The following NRG3 variants were observed in gnomAD, a reference collection of about 807,000 sequenced individuals.
NRG3 encodes neuregulin 3, also known as pro-neuregulin-3, membrane-bound isoform.
A neutral mutation model predicts 66.9 loss-of-function variants in NRG3; 31 were observed. The ratio of observed to expected loss-of-function variants is 0.46; its 90% confidence interval spans 0.35 to 0.63. The LOEUF is 0.63. Among genes scored for constraint, NRG3 ranks in the 20% least tolerant of loss-of-function variants. The pLI is 0.00. For missense variants in NRG3, 910 were observed against 878.9 expected (o/e 1.04, Z -0.45); for synonymous variants, 393 against 359.4 (o/e 1.09, Z -1.06).
At chr10:81,892,673 G>A (rs1485708011) in intron 1 of NRG3, among the ~76,000 whole-genome samples, 1 of 152,128 alleles carries the variant, frequency 6.6e-6, no homozygotes, top group Non-Finnish European at 1.5e-5. Context: ...ACTGAGAAGG[G>A]TAGTGAGGGG....
At chr10:82,767,711 C>G (rs1565293394) in intron 3 of NRG3, among the ~76,000 whole-genome samples, 1 of 151,750 alleles carries the variant, frequency 6.6e-6, no homozygotes, top group East Asian at 1.9e-4. Flanking sequence ...TTTATTTATT[C>G]TTTTTATCTT....
intron 3 of NRG3, among the ~76,000 whole-genome samples, chr10:82,765,986 A>T (rs1384405231): frequency 6.6e-6 from 1 of 152,170 alleles, no homozygotes; most frequent in Non-Finnish European, 1.5e-5. Context: ...AGCTTTGCAG[A>T]AGTTAGACAG....
chr10:82,738,780 A>T (rs372500432), intron 3 of NRG3, 130 bp downstream of exon 3: 4 of 768,792 alleles, frequency 5.2e-6, no homozygotes, highest in Non-Finnish European at 6.6e-6. Flanking sequence ...ACAGAAGCTG[A>T]TGGCAGATGT....
At chr10:82,136,798 C>T (rs190103288) in intron 1 of NRG3, among the ~76,000 whole-genome samples, 34 of 152,240 alleles carry the variant, frequency 2.2e-4, no homozygotes, top group South Asian at 6.2e-4. Context: ...ATGCTCCCTC[C>T]GTGGGTTCAG....
At chr10:82,287,892 T>C (rs2134541360) in intron 1 of NRG3, among the ~76,000 whole-genome samples, 1 of 152,304 alleles carries the variant, frequency 6.6e-6, no homozygotes, top group East Asian at 1.9e-4. Flanking sequence ...GCTCACAGCA[T>C]GCCATCCAGT....
intron 2 of NRG3, among the ~76,000 whole-genome samples, chr10:82,363,496 C>T (rs2084320034): frequency 6.6e-6 from 1 of 152,158 alleles, no homozygotes; most frequent in Non-Finnish European, 1.5e-5. Context: ...CGCTCTGTCA[C>T]CCAGGCTGGA....
intron 1 of NRG3, among the ~76,000 whole-genome samples, chr10:82,289,131 G>A (rs1035001846): frequency 6.6e-6 from 1 of 152,134 alleles, no homozygotes; most frequent in South Asian, 2.1e-4. Flanking sequence ...CCCAGGGAGG[G>A]TAGGACATTG....
intron 2 of NRG3, among the ~76,000 whole-genome samples, chr10:82,497,140 A>G (rs957336084): frequency 1.1e-4 from 16 of 152,168 alleles, no homozygotes; most frequent in African/African-American, 3.9e-4. Context: ...TGTGGGGCAA[A>G]TAATTAGCAT....
chr10:82,637,562 A>G (rs573632377), intron 2 of NRG3, among the ~76,000 whole-genome samples: 2 of 152,340 alleles, frequency 1.3e-5, no homozygotes, highest in African/African-American at 4.8e-5. Flanking sequence ...CATCACATCA[A>G]TAATGTGTAA....
chr10:82,521,652 T>G (rs1172586741), intron 2 of NRG3, among the ~76,000 whole-genome samples: 1 of 151,970 alleles, frequency 6.6e-6, no homozygotes, highest in Non-Finnish European at 1.5e-5. Flanking sequence ...CTGTGGAAAA[T>G]TTTTAAGACA....
intron 1 of NRG3, among the ~76,000 whole-genome samples, chr10:82,136,396 G>GA (rs2069346456): frequency 6.6e-6 from 1 of 151,630 alleles, no homozygotes; most frequent in Admixed American, 6.6e-5. Context: ...ATCCAGCCAG[G>GA]CGTGTGTCCT....
intron 2 of NRG3, among the ~76,000 whole-genome samples, chr10:82,689,398 T>C (rs1018911195): frequency 5.9e-5 from 9 of 152,168 alleles, no homozygotes; most frequent in Non-Finnish European, 1.3e-4. Context: ...TCCATTCCTC[T>C]GTCAGTTAGT....
chr10:82,698,628 G>T (rs910134087), intron 2 of NRG3, among the ~76,000 whole-genome samples: 7 of 152,112 alleles, frequency 4.6e-5, no homozygotes, highest in African/African-American at 1.7e-4. Context: ...TCAAGTCTTA[G>T]CTCTACTGCA....
At chr10:81,949,967 T>C (rs921394568) in intron 1 of NRG3, among the ~76,000 whole-genome samples, 2 of 152,198 alleles carry the variant, frequency 1.3e-5, no homozygotes, top group Non-Finnish European at 2.9e-5. Flanking sequence ...GGGGCTGCAC[T>C]GAAGGCCACA....
intron 1 of NRG3, among the ~76,000 whole-genome samples, chr10:82,035,841 T>C (rs974313721): frequency 6.6e-6 from 1 of 152,106 alleles, no homozygotes; most frequent in Non-Finnish European, 1.5e-5. Flanking sequence ...TAATTGACAA[T>C]TTTGGTTTTA....
chr10:82,395,490 C>T (rs1051894184), intron 2 of NRG3, among the ~76,000 whole-genome samples: 1 of 152,164 alleles, frequency 6.6e-6, no homozygotes, highest in African/African-American at 2.4e-5. Context: ...GGGATAATAC[C>T]TTTATCCTAG....
intron 1 of NRG3, among the ~76,000 whole-genome samples, chr10:82,301,783 C>G (rs1413086842): frequency 6.6e-6 from 1 of 150,538 alleles, no homozygotes; most frequent in Non-Finnish European, 1.5e-5. Flanking sequence ...TCCACCTTGT[C>G]TGACCCTGAT....
rs143568555 is a variant in NRG3 at position 82,385,201 on chromosome 10, T to C, written c.953+26333T>C. Among the ~76,000 whole-genome samples, 140 of 152,290 alleles carry C rather than the reference T, an allele frequency of 9.2e-4. 3 individuals carry two copies. In the East Asian group the frequency reaches 0.023, roughly 25 times the overall value. The stretch of plus-strand genomic sequence containing the variant: ...TAATTTGTTAAGTTTTTTATAGATA[T>C]TGTACGTTAGATCTTTGTCACATGC... On this transcript the variant is annotated intron_variant, in intron 2 of 8. Transcript: ENST00000372141.
intron 2 of NRG3, among the ~76,000 whole-genome samples, chr10:82,457,554 T>A (rs146872209): frequency 6.6e-6 from 1 of 152,226 alleles, no homozygotes; most frequent in African/African-American, 2.4e-5. Context: ...GGGACCCCTG[T>A]GTTAGACAAT....
Sources: allele counts gnomAD v4.1 joint callset (sites outside exome capture counted in the v4.1 genomes callset), GRCh38; gene constraint gnomAD v4.1.1; transcripts MANE v1.5; gene names NCBI Gene and HGNC (gene_info 2026-07-23, HGNC 2026-07-21).